KCNH1: variants seen among roughly 807,000 people sequenced by gnomAD.
KCNH1 encodes the protein voltage-gated delayed rectifier potassium channel KCNH1.
KCNH1 carries 27 observed loss-of-function variants against 69.2 expected under a neutral mutation model. The observed-to-expected ratio is 0.39, with a 90% CI of 0.29 to 0.54. KCNH1 has a LOEUF of 0.54. KCNH1 is among the 20% of genes least tolerant of loss of function. The pLI is 0.68. For synonymous variants in KCNH1, 456 were observed against 487.7 expected (o/e 0.93, Z 0.86); for missense variants, 798 against 1,261.6 (o/e 0.63, Z 5.57).
At chr1:210,895,737 A>G (rs1686851958) in intron 7 of KCNH1, among the ~76,000 whole-genome samples, 1 of 151,980 alleles carries the variant, frequency 6.6e-6, no homozygotes, top group South Asian at 2.1e-4. Context: ...AGTTTCAAGC[A>G]GGAGATATTT....
At chr1:210,708,239 G>A (rs111802680) in intron 10 of KCNH1, among the ~76,000 whole-genome samples, 1 of 145,634 alleles carries the variant, frequency 6.9e-6, no homozygotes, top group African/African-American at 2.7e-5. Context: ...TGTTGGTTCA[G>A]ACTTTCTCTA....
intron 5 of KCNH1, among the ~76,000 whole-genome samples, chr1:211,067,691 C>A (rs1690556810): frequency 6.6e-6 from 1 of 152,174 alleles, no homozygotes; most frequent in Non-Finnish European, 1.5e-5. Flanking sequence ...ATTTCAGCAT[C>A]CCCTACCCGG....
intron 10 of KCNH1, among the ~76,000 whole-genome samples, chr1:210,700,589 A>G (rs1016196885): frequency 6.6e-6 from 1 of 152,160 alleles, no homozygotes; most frequent in African/African-American, 2.4e-5. Context: ...ATTTGTTGCT[A>G]TTTACATCTG....
At chr1:210,856,891 AT>A (rs1574299391) in intron 7 of KCNH1, among the ~76,000 whole-genome samples, 4 of 135,998 alleles carry the variant, frequency 2.9e-5, no homozygotes, top group South Asian at 2.4e-4. Context: ...ATATATATAT[AT>A]ATATATAAAA....
At chr1:210,931,429 C>T (rs1687678409) in intron 6 of KCNH1, among the ~76,000 whole-genome samples, 1 of 152,114 alleles carries the variant, frequency 6.6e-6, no homozygotes, top group Non-Finnish European at 1.5e-5. Flanking sequence ...GACAAACAAA[C>T]ATTGTATGTT....
intron 10 of KCNH1, among the ~76,000 whole-genome samples, chr1:210,703,090 T>G (rs1681823271): frequency 6.6e-6 from 1 of 152,136 alleles, no homozygotes; most frequent in African/African-American, 2.4e-5. Context: ...CCAGAAGCCC[T>G]TTCTAACTAA....
At chr1:211,105,983 G>C (rs182332119) in intron 2 of KCNH1, among the ~76,000 whole-genome samples, 88 of 152,312 alleles carry the variant, frequency 5.8e-4, no homozygotes, top group Admixed American at 4.3e-3. Flanking sequence ...TCCTTCTTAT[G>C]AGCTCAAACA....
At chr1:210,702,507 A>G (rs1681806948) in intron 10 of KCNH1, among the ~76,000 whole-genome samples, 1 of 152,152 alleles carries the variant, frequency 6.6e-6, no homozygotes, top group African/African-American at 2.4e-5. Context: ...TTAAAACTCA[A>G]AAGCTCTTTG....
intron 6 of KCNH1, among the ~76,000 whole-genome samples, chr1:210,981,598 A>T (rs1469447025): frequency 6.6e-6 from 1 of 152,122 alleles, no homozygotes; most frequent in Non-Finnish European, 1.5e-5. Flanking sequence ...ATACTATCTC[A>T]ATAAGGAATG....
chr1:210,898,377 G>A (rs1364545568), intron 7 of KCNH1, among the ~76,000 whole-genome samples: 3 of 152,202 alleles, frequency 2.0e-5, no homozygotes, highest in Admixed American at 1.3e-4. Context: ...AGAAGGTACA[G>A]AAACATTAAC....
chr1:210,857,977 G>GT (rs757861455), intron 7 of KCNH1: 7 of 152,278 alleles, frequency 4.6e-5, no homozygotes, highest in Admixed American at 2.0e-4. Flanking sequence ...GGAAGGGGGA[G>GT]TGGGTGAGTG....
chr1:210,708,237 C>CAA (rs3884281), intron 10 of KCNH1, among the ~76,000 whole-genome samples: 42,905 of 151,772 alleles, frequency 0.28, 8,880 homozygotes, highest in African/African-American at 0.58. Context: ...ATTGTTGGTT[C>CAA]AGACTTTCTC....
intron 10 of KCNH1, among the ~76,000 whole-genome samples, chr1:210,751,640 C>G (rs2149042973): frequency 6.6e-6 from 1 of 152,046 alleles, no homozygotes; most frequent in Non-Finnish European, 1.5e-5. Context: ...GTGCCTGCTG[C>G]TGAGAGGTAG....
At chr1:210,900,600 C>G (rs1054942435) in intron 7 of KCNH1, among the ~76,000 whole-genome samples, 1 of 152,146 alleles carries the variant, frequency 6.6e-6, no homozygotes, top group Non-Finnish European at 1.5e-5. Context: ...AGTGGTAGTG[C>G]AGATGCAGAT....
intron 6 of KCNH1, among the ~76,000 whole-genome samples, chr1:210,970,436 G>A (rs561008345): frequency 3.3e-5 from 5 of 152,168 alleles, no homozygotes; most frequent in Non-Finnish European, 7.4e-5. Context: ...TGCTGAGGAT[G>A]ATGGCTTCCA....
chr1:210,876,869 T>C (rs760527988), intron 7 of KCNH1, among the ~76,000 whole-genome samples: 9 of 152,102 alleles, frequency 5.9e-5, no homozygotes, highest in Non-Finnish European at 1.2e-4. Context: ...CATGGTCAAA[T>C]GCAGGCATAA....
intron 8 of KCNH1, among the ~76,000 whole-genome samples, chr1:210,798,898 T>C (rs1004065853): frequency 5.3e-5 from 8 of 152,210 alleles, no homozygotes; most frequent in African/African-American, 1.9e-4. Flanking sequence ...CAGGCATTGC[T>C]AAACACTTTA....
intron 6 of KCNH1, among the ~76,000 whole-genome samples, chr1:210,941,294 C>G (rs757587300): frequency 2.6e-5 from 4 of 152,214 alleles, no homozygotes; most frequent in Non-Finnish European, 4.4e-5. Context: ...TCAGTGGCAT[C>G]CTTGCCCAAC....
intron 5 of KCNH1, among the ~76,000 whole-genome samples, chr1:211,070,418 T>TAAAAAA (rs759773298): frequency 8.9e-6 from 1 of 112,558 alleles, no homozygotes; most frequent in African/African-American, 2.8e-5. Flanking sequence ...ACTCCACCTT[T>TAAAAAA]AAAAAAAAAA....
Sources: allele counts gnomAD v4.1 joint callset (sites outside exome capture counted in the v4.1 genomes callset), GRCh38; gene constraint gnomAD v4.1.1; transcripts MANE v1.5; gene names NCBI Gene and HGNC (gene_info 2026-07-23, HGNC 2026-07-21).